The following IL1R2 variants were observed in gnomAD, a reference collection of about 807,000 sequenced individuals.
IL1R2 encodes interleukin-1 receptor type 2.
A neutral mutation model predicts 39.5 loss-of-function variants in IL1R2; 46 were observed. The ratio of observed to expected loss-of-function variants is 1.16; its 90% CI spans 0.92 to 1.49. The LOEUF (loss-of-function observed/expected upper bound fraction) is 1.49. Among genes scored for constraint, IL1R2 ranks in the 40% most tolerant of loss-of-function variants. IL1R2 has a pLI of 0.00. For missense variants in IL1R2, 537 were observed against 502.0 expected (o/e 1.07, Z -0.67); for synonymous variants, 207 against 189.6 (o/e 1.09, Z -0.75).
chr2:102,002,304 GTGTC>G (rs150261050), intron 1 of IL1R2, among the ~76,000 whole-genome samples: 7 of 147,658 alleles, frequency 4.7e-5, no homozygotes, highest in Admixed American at 3.4e-4. Flanking sequence ...GTCTGTGTCT[GTGTC>G]TGTGTCTGTG....
chr2:102,008,441 C>T (rs960268869), intron 1 of IL1R2, 74 bp from the exon 2 acceptor site: 2 of 728,016 alleles, frequency 2.7e-6, no homozygotes, highest in African/African-American at 3.5e-5. Context: ...CCAGACCCTG[C>T]CCCTACCCCG....
In IL1R2 at chr2:102,009,706, A is replaced by C. The variant is rs1414485435; in HGVS notation, c.212A>C (p.Lys71Thr). ...VSPRINLTWHKNDSARTVPGE... is the reference protein window; with the variant it reads ...VSPRINLTWHTNDSARTVPGE... ...CCCCGCATCAACCTGACATGGCATAAAAATGACTCTGCTAGGACGGTCCCA... is the reference window on the plus strand; with the variant it reads ...CCCCGCATCAACCTGACATGGCATACAAATGACTCTGCTAGGACGGTCCCA... Residue 71 changes from lysine to threonine, a missense_variant, in exon 3 of 9, where the codon AAA becomes ACA. Coordinates refer to ENST00000332549, the MANE Select transcript of IL1R2 (RefSeq NM_004633.4). The C allele has an allele frequency of 1.2e-6, 2 of 1,614,082 alleles. No homozygotes were observed. The highest frequency in any genetic ancestry group is 2.7e-5 in the African/African-American group (2 of 74,924).
intron 1 of IL1R2, among the ~76,000 whole-genome samples, chr2:102,002,894 G>A (rs930652399): frequency 1.3e-5 from 2 of 150,776 alleles, no homozygotes; most frequent in South Asian, 4.2e-4. Context: ...GTCTCTGCCT[G>A]GGTCTATGTC....
intron 2 of IL1R2, 36 bp downstream of exon 2, chr2:102,008,678 C>A (rs536071812): frequency 1.9e-6 from 3 of 1,551,940 alleles, no homozygotes; most frequent in Middle Eastern, 1.7e-4. Context: ...AAAAGGCTTG[C>A]CTGTAGCTTC....
At position 102,009,604 on chromosome 2, in the gene IL1R2, G is replaced by C. The variant is rs543401612; in HGVS notation, c.110G>C (p.Arg37Pro). The C allele has an allele frequency of 5.0e-6, 8 of 1,614,164 alleles. No individual in the cohort carries two copies. In the South Asian group the frequency reaches 8.8e-5, roughly 18 times the overall value. Reference sequence around the variant, plus strand: ...CGGTTTCGTGGGAGGCATTACAAGCGGGAGTTCAGGCTGGAAGGGGAGCCT... The same window carrying C: ...CGGTTTCGTGGGAGGCATTACAAGCCGGAGTTCAGGCTGGAAGGGGAGCCT... ...SCRFRGRHYK[R>P]EFRLEGEPVA... The change falls in exon 3 of 9, where the codon CGG becomes CCG. Residue 37 changes from arginine (R) to proline (P), a missense_variant. Physicochemically the swap from Arg to Pro is moderately radical, Grantham distance 103. Transcript: ENST00000332549.
intron 1 of IL1R2, among the ~76,000 whole-genome samples, chr2:101,993,240 G>A (rs1048459321): frequency 6.6e-6 from 1 of 152,134 alleles, no homozygotes; most frequent in African/African-American, 2.4e-5. Context: ...TTAGGGCTGC[G>A]GTGTGTCCCC....
intron 1 of IL1R2, among the ~76,000 whole-genome samples, chr2:102,003,519 C>T (rs369851335): frequency 0.017 from 1,612 of 97,428 alleles, 10 homozygotes; most frequent in East Asian, 0.039. Context: ...CTGTCTGTGT[C>T]CCATGTCTGT....
chr2:102,008,511 CT>C lies in IL1R2; in HGVS notation c.-61-3del. The stretch of plus-strand genomic sequence containing the variant: ...CCTGGTGACACCTCTGTTTCCTCCC[CT>C]AGGCCACGTGCTGCTGGGTCTCAGT... On this transcript the variant is annotated splice_polypyrimidine_tract_variant and splice_region_variant and intron_variant, in intron 1 of 8. Coordinates refer to ENST00000332549, the MANE Select transcript of IL1R2 (RefSeq NM_004633.4). The C allele has an allele frequency of 7.5e-7, 1 of 1,328,598 alleles. No homozygotes were observed. Among genetic ancestry groups the C allele is most frequent in the Non-Finnish European group, 1.1e-6 (1 of 920,058 alleles). The allele number at this position is 1,328,598 out of a possible 1,614,324, so 82.3% of individuals were successfully genotyped here.
chr2:102,004,275 C>T (rs1559414372), intron 1 of IL1R2, among the ~76,000 whole-genome samples: 1 of 152,078 alleles, frequency 6.6e-6, no homozygotes, highest in Non-Finnish European at 1.5e-5. Context: ...GCTGCAGACA[C>T]CTGGGAATCA....
intron 1 of IL1R2, among the ~76,000 whole-genome samples, chr2:101,999,672 A>AT (rs1286506630): frequency 6.6e-6 from 1 of 152,158 alleles, no homozygotes; most frequent in Admixed American, 6.5e-5. Flanking sequence ...TGACTCAGAG[A>AT]TTGAGCAAAT....
intron 4 of IL1R2, among the ~76,000 whole-genome samples, chr2:102,018,483 A>C (rs1021222468): frequency 1.3e-5 from 2 of 152,250 alleles, no homozygotes; most frequent in Non-Finnish European, 2.9e-5. Context: ...ATGTGTATGA[A>C]GCACCCGGTG....
chr2:102,003,423 C>A (rs367919671), intron 1 of IL1R2, among the ~76,000 whole-genome samples: 1 of 96,680 alleles, frequency 1.0e-5, no homozygotes, highest in East Asian at 3.9e-4. Context: ...CTGTCTGTGT[C>A]CCATGTCTGT....
intron 3 of IL1R2, among the ~76,000 whole-genome samples, chr2:102,014,972 A>C (rs1262864100): frequency 7.4e-6 from 1 of 135,398 alleles, no homozygotes; most frequent in African/African-American, 3.4e-5. Flanking sequence ...TAATAATAAT[A>C]ATAATCATAT....
chr2:102,028,303 C>T lies in IL1R2; in HGVS notation c.1108C>T (p.His370Tyr), dbSNP rs747033846. ...CTTGGTTTTGGGGGGAATATGGATG[C>T]ACAGACGGTGCAAACACAGAACTGG... Reference protein sequence around the residue: ...AFLVLGGIWMHRRCKHRTGKA... With the variant: ...AFLVLGGIWMYRRCKHRTGKA... The change falls in exon 9 of 9, where the codon CAC (histidine) becomes TAC (tyrosine). Residue 370 changes from histidine to tyrosine, a missense_variant. Physicochemically the swap from His to Tyr is moderately conservative, Grantham distance 83. Transcript: ENST00000332549. 13 of 1,612,744 alleles carry T rather than the reference C, an allele frequency of 8.1e-6. No individual in the cohort carries two copies. The South Asian group carries it at 1.3e-4, about 16-fold the overall frequency.
At chr2:102,025,385 G>A (rs1300636823) in intron 7 of IL1R2, among the ~76,000 whole-genome samples, 1 of 152,226 alleles carries the variant, frequency 6.6e-6, no homozygotes, top group African/African-American at 2.4e-5. Flanking sequence ...TAAAAACTAT[G>A]TGTGGGTAGC....
chr2:102,028,252 G>C lies in IL1R2; in HGVS notation c.1057G>C (p.Val353Leu), dbSNP rs1323243956. The C allele has an allele frequency of 6.2e-7, 1 of 1,611,860 alleles. No homozygotes were observed. The highest frequency in any genetic ancestry group is 8.5e-7 in the Non-Finnish European group (1 of 1,179,150). Residue 353 changes from valine (V) to leucine (L), a missense_variant, in exon 9 of 9, where the codon GTG (valine) becomes CTG (leucine). Physicochemically the swap from Val to Leu is conservative, Grantham distance 32 (BLOSUM62 1). Coordinates refer to ENST00000332549, the MANE Select transcript of IL1R2 (RefSeq NM_004633.4). ...CTCCTCCACGTTCTCCTGGGGCATT[G>C]TGCTGGCCCCACTTTCACTGGCCTT... ...EASSTFSWGI[V>L]LAPLSLAFLV...
At position 102,024,630 on chromosome 2, in the gene IL1R2, C is replaced by A. The variant is rs147914094; in HGVS notation, c.849C>A (p.Ser283Arg). The stretch of plus-strand genomic sequence containing the variant: ...CGGCCAATGACACCCACATAGAGAG[C>A]GCCTACCCGGGAGGCCGCGTGACCG... ...WWTANDTHIE[S>R]AYPGGRVTEG... is the part of the protein sequence containing the mutation. The change falls in exon 7 of 9, where the codon AGC becomes AGA. Residue 283 changes from serine to arginine, a missense_variant. Transcript: ENST00000332549. The A allele has an allele frequency of 8.1e-6, 13 of 1,614,028 alleles. No individual in the cohort carries two copies. The East Asian group carries it at 2.7e-4, about 33-fold the overall frequency.
In IL1R2 at chr2:102,019,621, A is replaced by C. The variant is rs1394844807; in HGVS notation, c.514-17A>C. 6.3e-7 allele frequency: 1 copy of C among 1,589,758 alleles called. No homozygotes were observed. The highest frequency in any genetic ancestry group is 2.2e-5 in the East Asian group (1 of 44,744). On this transcript the variant is annotated splice_polypyrimidine_tract_variant and intron_variant, in intron 4 of 8. Coordinates refer to ENST00000332549, the MANE Select transcript of IL1R2 (RefSeq NM_004633.4). ...ATATTGGTATAATGTCAACTTAAAA[A>C]AACATTTTCCCTTAAGGATTCTCTT...
intron 3 of IL1R2, 32 bp from the exon 4 acceptor site, chr2:102,015,839 G>A (rs1480045137): frequency 6.5e-7 from 1 of 1,537,160 alleles, no homozygotes; most frequent in Middle Eastern, 1.7e-4. Flanking sequence ...ATTTTGCCTT[G>A]CCATTTATCT....
Sources: gnomAD v4.1 joint callset for allele counts (sites outside exome capture counted in the v4.1 genomes callset) on GRCh38, gnomAD v4.1.1 for gene constraint, MANE v1.5 for transcripts, NCBI Gene and HGNC (gene_info 2026-07-23, HGNC 2026-07-21) for gene names.